The following CEP164 variants were observed in gnomAD, a reference collection of about 807,000 sequenced individuals.
CEP164 encodes the protein centrosomal protein of 164 kDa.
CEP164 carries 162 observed loss-of-function variants against 182.7 expected under a neutral mutation model. That is an observed-to-expected ratio of 0.89 (90% CI 0.78 to 1.01). CEP164 has a LOEUF of 1.01. Ranked by LOEUF, CEP164 falls within the 50% of genes least tolerant of loss-of-function variation. CEP164 has a pLI of 0.00. For missense variants in CEP164, 1,735 were observed against 1,790.4 expected, an observed-to-expected ratio of 0.97 and a Z score of 0.56; for synonymous variants, 661 against 690.0, an observed-to-expected ratio of 0.96 and a Z score of 0.66.
rs756919863 is a variant in CEP164, at chr11:117,387,282, G to A, written c.1804G>A (p.Val602Ile). Residue 602 changes from valine (V) to isoleucine (I), a missense_variant, in exon 15 of 33, where the codon GTA (valine) becomes ATA (isoleucine). By Grantham distance (29) the Val-to-Ile change is conservative. Coordinates refer to ENST00000278935, the MANE Select transcript of CEP164 (RefSeq NM_014956.5). ...LKAMEEAVAQ[V>I]LEQDQRHLLE... ...GGCCATGGAAGAGGCAGTGGCCCAA[G>A]TACTCGAGCAAGACCAGAGGCACCT... 1.1e-5 allele frequency: 17 copies of A among 1,614,102 alleles called. 1 individual carries two copies. In the South Asian group the frequency reaches 1.6e-4, roughly 16 times the overall value.
chr11:117,328,915 C>T (rs2035763509), intron 1 of CEP164, among the ~76,000 whole-genome samples: 1 of 152,190 alleles, frequency 6.6e-6, no homozygotes, highest in Non-Finnish European at 1.5e-5. Context: ...TCCCGAAGTT[C>T]AAGTCCTGTA....
At chr11:117,389,066 G>A (rs79763467) in intron 15 of CEP164, among the ~76,000 whole-genome samples, 2,936 of 152,082 alleles carry the variant, frequency 0.019, 80 homozygotes, top group South Asian at 0.12. Context: ...CACTGTGCCC[G>A]GCCAAATTTT....
At chr11:117,393,195 A>G in intron 20 of CEP164, 69 bp downstream of exon 20, 10 of 1,570,318 alleles carry the variant, frequency 6.4e-6, no homozygotes, top group Non-Finnish European at 7.8e-6. Context: ...ATGCACACAC[A>G]CATGCACACA....
At chr11:117,391,981 G>A (rs545029326) in intron 17 of CEP164, among the ~76,000 whole-genome samples, 3 of 152,300 alleles carry the variant, frequency 2.0e-5, no homozygotes, top group East Asian at 1.9e-4. Flanking sequence ...AAGGCAGGGG[G>A]TGGGAGCAGA....
In CEP164 at chr11:117,396,122, C is replaced by CGGAA; in HGVS notation, c.3158_3159insGGAA (p.Ser1054GlufsTer6). On this transcript the variant is annotated frameshift_variant, in exon 25 of 33. Transcript: ENST00000278935. LOFTEE classifies it high-confidence loss of function. Reference sequence around the variant, plus strand: ...GAAGTGACAGTTGAGGAAAATAATGCTTCCCCACATTTTGAGCCAGATCTC... The same window carrying CGGAA: ...GAAGTGACAGTTGAGGAAAATAATGCGGAATTCCCCACATTTTGAGCCAGATCTC... The CGGAA allele has an allele frequency of 1.2e-6, 2 of 1,613,512 alleles. No individual in the cohort carries two copies. The highest frequency in any genetic ancestry group is 1.7e-6 in the Non-Finnish European group (2 of 1,179,662).
At chr11:117,404,495 A>G (rs1458885431) in intron 27 of CEP164, among the ~76,000 whole-genome samples, 1 of 152,170 alleles carries the variant, frequency 6.6e-6, no homozygotes, top group Non-Finnish European at 1.5e-5. Flanking sequence ...GCAGAACAGC[A>G]AAGATTGCTG....
chr11:117,346,003 G>A (rs1036189566), intron 4 of CEP164, among the ~76,000 whole-genome samples: 3 of 152,046 alleles, frequency 2.0e-5, no homozygotes, highest in Non-Finnish European at 4.4e-5. Flanking sequence ...CTTTTTAGCC[G>A]CCTTTCCTTT....
At chr11:117,334,169 C>T (rs1402191771) in intron 1 of CEP164, among the ~76,000 whole-genome samples, 3 of 152,150 alleles carry the variant, frequency 2.0e-5, no homozygotes, top group Admixed American at 6.5e-5. Flanking sequence ...TTTTTAATCA[C>T]GATTGCATCT....
At position 117,394,982 on chromosome 11, in the gene CEP164, A is replaced by G. The variant is rs1196119930; in HGVS notation, c.2823A>G (p.Arg941=). The G allele has an allele frequency of 2.5e-6, 4 of 1,614,146 alleles. No homozygotes were observed. The highest frequency in any genetic ancestry group is 3.4e-6 in the Non-Finnish European group (4 of 1,180,024). Residue 941 remains arginine (R), a synonymous_variant, in exon 22 of 33, where the codon AGA becomes AGG. Transcript: ENST00000278935. This position sits in a 1 kb window ranked among gnomAD's most constrained non-coding sequence, Gnocchi z 4.0. ...CCAGAGCTAAAGATGTCAAGGCCAGATTGGCTCTGCTGGAGGTCCAGGTGA... is the reference window on the plus strand; with the variant it reads ...CCAGAGCTAAAGATGTCAAGGCCAGGTTGGCTCTGCTGGAGGTCCAGGTGA... ...LETRAKDVKA[R]LALLEVQEET...
At chr11:117,336,799 A>G (rs908176700) in intron 2 of CEP164, among the ~76,000 whole-genome samples, 3 of 152,012 alleles carry the variant, frequency 2.0e-5, no homozygotes, top group Non-Finnish European at 4.4e-5. Context: ...TGGAGAGGTC[A>G]GGACTTGTGG....
At chr11:117,370,987 G>T in intron 8 of CEP164, 93 bp from the exon 9 acceptor site, 3 of 1,344,790 alleles carry the variant, frequency 2.2e-6, no homozygotes, top group Non-Finnish European at 3.0e-6. Flanking sequence ...GCCTGTGGGA[G>T]TCAGGGAATA....
At chr11:117,407,457 CAAAAAAAAAAAAAA>C (rs1232486465) in intron 27 of CEP164, among the ~76,000 whole-genome samples, 1 of 69,030 alleles carries the variant, frequency 1.4e-5, no homozygotes, top group Non-Finnish European at 2.8e-5. Flanking sequence ...TCTGTCTCTA[CAAAAAAAAAAAAAA>C]AAAAAAAAAG....
At chr11:117,323,056 G>A (rs1021350948), upstream of CEP164, among the ~76,000 whole-genome samples, 4 of 151,808 alleles carry the variant, frequency 2.6e-5, no homozygotes, top group South Asian at 2.1e-4. Flanking sequence ...GTGAGCCACC[G>A]CATCTGGCCT....
chr11:117,394,337 A>T lies in CEP164; in HGVS notation c.2617-13A>T. On this transcript the variant is annotated splice_polypyrimidine_tract_variant and intron_variant, in intron 20 of 32. Coordinates refer to ENST00000278935, the MANE Select transcript of CEP164 (RefSeq NM_014956.5). This position sits in a 1 kb window ranked among gnomAD's most constrained non-coding sequence, Gnocchi z 4.0. ...GCCGCAGCTTCCCACCGGTGGGCCC[A>T]CCCTCCTTGCAGGAGAGGAAGCAGC... The T allele has an allele frequency of 6.3e-7, 1 of 1,585,726 alleles. No homozygotes were observed. The highest frequency in any genetic ancestry group is 8.6e-7 in the Non-Finnish European group (1 of 1,166,200).
chr11:117,344,235 G>A lies in CEP164; in HGVS notation c.152G>A (p.Arg51Gln), dbSNP rs752300360. Residue 51 changes from arginine (R) to glutamine (Q), a missense_variant, in exon 4 of 33, where the codon CGA (arginine) becomes CAA (glutamine). Arg to Gln is a conservative substitution (Grantham distance 43). Coordinates refer to ENST00000278935, the MANE Select transcript of CEP164 (RefSeq NM_014956.5). ...GAACCAGAACTGATGTGGCTGGCGC[G>A]AGAGGGCATCGTGGCCCCACTGCCT... ...IKEPELMWLAREGIVAPLPGE... is the reference protein window; with the variant it reads ...IKEPELMWLAQEGIVAPLPGE... 5.0e-6 allele frequency: 8 copies of A among 1,613,334 alleles called. No homozygotes were observed. In the South Asian group the frequency reaches 5.5e-5, roughly 11 times the overall value.
chr11:117,331,766 A>G (rs73014335), intron 1 of CEP164, among the ~76,000 whole-genome samples: 58 of 143,810 alleles, frequency 4.0e-4, no homozygotes, highest in Non-Finnish European at 5.3e-4. Context: ...TTTTTTTTTC[A>G]GATAGGGTCT....
chr11:117,324,916 A>G (rs967538403), upstream of CEP164, among the ~76,000 whole-genome samples: 1 of 152,266 alleles, frequency 6.6e-6, no homozygotes, highest in African/African-American at 2.4e-5. Context: ...CAAACAAACA[A>G]AAAACCAGAT....
At chr11:117,378,334 A>G (rs2042967283) in intron 11 of CEP164, among the ~76,000 whole-genome samples, 1 of 152,220 alleles carries the variant, frequency 6.6e-6, no homozygotes, top group South Asian at 2.1e-4. Flanking sequence ...CTGTGTACAT[A>G]TAAGCATATA....
intron 5 of CEP164, among the ~76,000 whole-genome samples, chr11:117,359,243 C>T (rs1336590323): frequency 2.0e-5 from 3 of 152,120 alleles, no homozygotes; most frequent in Non-Finnish European, 4.4e-5. Context: ...CACGCCCAGC[C>T]TGGGCAGGGT....
Sources: gnomAD v4.1 joint callset for allele counts (sites outside exome capture counted in the v4.1 genomes callset) on GRCh38, gnomAD v4.1.1 for gene constraint, Gnocchi (gnomAD v3.1) non-coding constraint, MANE v1.5 for transcripts, NCBI Gene and HGNC (gene_info 2026-07-23, HGNC 2026-07-21) for gene names.